CWC27: variants seen among roughly 807,000 people sequenced by gnomAD.
CWC27 encodes spliceosome-associated protein CWC27 homolog.
In CWC27, 47 loss-of-function variants were observed where a neutral mutation model predicts 63.6. The observed-to-expected ratio is 0.74, with a 90% CI of 0.58 to 0.94. CWC27 has a LOEUF of 0.94. CWC27 is among the 40% of genes least tolerant of loss of function. The pLI is 0.00. For synonymous variants in CWC27, 175 were observed against 179.8 expected (o/e 0.97, Z 0.22); for missense variants, 495 against 554.3 (o/e 0.89, Z 1.07).
intron 11 of CWC27, among the ~76,000 whole-genome samples, chr5:64,948,324 T>G (rs1748633156): frequency 6.6e-6 from 1 of 152,050 alleles, no homozygotes. Context: ...ATTTCAAATT[T>G]TTTTGTATTT....
At chr5:65,014,586 G>T (rs146384316) in intron 13 of CWC27, among the ~76,000 whole-genome samples, 223 of 151,932 alleles carry the variant, frequency 1.5e-3, no homozygotes, top group African/African-American at 5.3e-3. Flanking sequence ...ATAAAGAGCC[G>T]CAGAGTGGAT....
At chr5:64,857,148 T>C (rs1479742286) in intron 10 of CWC27, among the ~76,000 whole-genome samples, 1 of 152,204 alleles carries the variant, frequency 6.6e-6, no homozygotes, top group African/African-American at 2.4e-5. Context: ...GAATAAAGTC[T>C]AGGCAGCACC....
At chr5:65,007,007 AAAG>A (rs1278980317) in intron 13 of CWC27, among the ~76,000 whole-genome samples, 3 of 144,724 alleles carry the variant, frequency 2.1e-5, no homozygotes, top group Admixed American at 6.8e-5. Context: ...AGAAAGAAAG[AAAG>A]AAAGAAAGAA....
chr5:64,808,036 ATTTTTG>A, intron 10 of CWC27: 1 of 1,342,454 alleles, frequency 7.4e-7, no homozygotes, highest in East Asian at 3.1e-5. Context: ...TGCTCTGGAG[ATTTTTG>A]TCTCTTTTCT....
intron 10 of CWC27, among the ~76,000 whole-genome samples, chr5:64,853,031 C>T (rs1746174141): frequency 6.6e-6 from 1 of 152,130 alleles, no homozygotes. Context: ...TAACTCCTTA[C>T]ATTGAAAAGT....
At chr5:64,935,485 A>G (rs867735385) in intron 11 of CWC27, among the ~76,000 whole-genome samples, 14 of 152,326 alleles carry the variant, frequency 9.2e-5, no homozygotes, top group Middle Eastern at 3.4e-3. Flanking sequence ...TACCAGTACC[A>G]TGCTGTGTTG....
chr5:64,880,328 C>A (rs1296233898), intron 10 of CWC27, among the ~76,000 whole-genome samples: 1 of 151,974 alleles, frequency 6.6e-6, no homozygotes, highest in Non-Finnish European at 1.5e-5. Context: ...TTCAGATAGT[C>A]ACATTTTTAA....
At chr5:64,927,971 A>C (rs956926946) in intron 11 of CWC27, among the ~76,000 whole-genome samples, 8 of 152,186 alleles carry the variant, frequency 5.3e-5, no homozygotes, top group Non-Finnish European at 1.2e-4. Context: ...CCTGGACAAC[A>C]TGGTAAAACC....
At chr5:64,783,792 G>A (rs1039481329) in intron 3 of CWC27, 44 bp from the exon 4 acceptor site, 1 of 1,444,748 alleles carries the variant, frequency 6.9e-7, no homozygotes, top group Admixed American at 2.6e-5. Context: ...GCATATGAAG[G>A]GTCTTATAAC....
chr5:64,952,910 G>A (rs538203539), intron 11 of CWC27, among the ~76,000 whole-genome samples: 93 of 152,210 alleles, frequency 6.1e-4, no homozygotes, highest in African/African-American at 2.0e-3. Flanking sequence ...TCAGGAGACT[G>A]ACTTTAGTCT....
chr5:64,869,255 G>A (rs1215907260), intron 10 of CWC27, among the ~76,000 whole-genome samples: 3 of 152,086 alleles, frequency 2.0e-5, no homozygotes, highest in Non-Finnish European at 4.4e-5. Context: ...TAGTTTTCAT[G>A]CATGAAGCAT....
chr5:64,850,203 A>G (rs1258120294), intron 10 of CWC27, among the ~76,000 whole-genome samples: 5 of 132,964 alleles, frequency 3.8e-5, no homozygotes, highest in African/African-American at 1.5e-4. Flanking sequence ...AGTTGTAGTA[A>G]TTAAAACAGC....
At chr5:64,938,041 G>A (rs1407364724) in intron 11 of CWC27, among the ~76,000 whole-genome samples, 1 of 151,398 alleles carries the variant, frequency 6.6e-6, no homozygotes, top group Non-Finnish European at 1.5e-5. Context: ...ACACCAATGG[G>A]TCTTGACTCT....
intron 7 of CWC27, among the ~76,000 whole-genome samples, chr5:64,792,491 C>G (rs1215614243): frequency 6.6e-6 from 1 of 152,148 alleles, no homozygotes; most frequent in African/African-American, 2.4e-5. Flanking sequence ...TTTTCAACAC[C>G]TGAAATGCCA....
chr5:64,841,109 C>T (rs1006930260), intron 10 of CWC27, among the ~76,000 whole-genome samples: 1 of 152,168 alleles, frequency 6.6e-6, no homozygotes, highest in African/African-American at 2.4e-5. Context: ...TTATAAGCAA[C>T]AGAAGTTTGT....
intron 10 of CWC27, among the ~76,000 whole-genome samples, chr5:64,823,574 T>C (rs1299958658): frequency 6.6e-6 from 1 of 152,208 alleles, no homozygotes; most frequent in African/African-American, 2.4e-5. Flanking sequence ...AGAGAATGAC[T>C]TGGCATCAGA....
intron 10 of CWC27, among the ~76,000 whole-genome samples, chr5:64,818,731 G>A (rs1303261929): frequency 1.3e-5 from 2 of 152,150 alleles, no homozygotes; most frequent in Non-Finnish European, 2.9e-5. Context: ...AGAAGGTGAG[G>A]TTATCTAATC....
At chr5:64,785,174 ATTTG>A (rs1209789539) in intron 4 of CWC27, among the ~76,000 whole-genome samples, 1 of 152,122 alleles carries the variant, frequency 6.6e-6, no homozygotes, top group Non-Finnish European at 1.5e-5. Flanking sequence ...CAAAGTTTAA[ATTTG>A]TTTATGATGT....
chr5:64,849,705 G>C (rs1362497692), intron 10 of CWC27, among the ~76,000 whole-genome samples: 1 of 64,610 alleles, frequency 1.5e-5, no homozygotes, highest in Non-Finnish European at 3.3e-5. Flanking sequence ...GGACCTGGTG[G>C]GGGGGTGATA....
Sources: allele counts gnomAD v4.1 joint callset (sites outside exome capture counted in the v4.1 genomes callset), GRCh38; gene constraint gnomAD v4.1.1; transcripts MANE v1.5; gene names NCBI Gene and HGNC (gene_info 2026-07-23, HGNC 2026-07-21).